The following GALNTL6 variants were observed in gnomAD, a reference collection of about 807,000 sequenced individuals.
The protein encoded by GALNTL6 is polypeptide N-acetylgalactosaminyltransferase-like 6.
In GALNTL6, 46 loss-of-function variants were observed where a neutral mutation model predicts 73.7. The ratio of observed to expected loss-of-function variants is 0.62; its 90% confidence interval spans 0.49 to 0.80. The LOEUF (loss-of-function observed/expected upper bound fraction) is 0.80. Ranked by LOEUF, GALNTL6 falls within the 30% of genes least tolerant of loss-of-function variation. The pLI, the probability that GALNTL6 is intolerant of heterozygous loss-of-function variation, is 0.00. For synonymous variants in GALNTL6, 259 were observed against 263.7 expected (o/e 0.98, Z 0.17); for missense variants, 604 against 755.0 (o/e 0.80, Z 2.34).
intron 2 of GALNTL6, among the ~76,000 whole-genome samples, chr4:171,864,753 A>G (rs149104019): frequency 3.2e-4 from 49 of 152,336 alleles, no homozygotes; most frequent in African/African-American, 1.1e-3. Flanking sequence ...TCCTCCTGCT[A>G]GAGATTGAAA....
At chr4:172,635,646 G>A (rs1169250440) in intron 5 of GALNTL6, among the ~76,000 whole-genome samples, 2 of 152,000 alleles carry the variant, frequency 1.3e-5, no homozygotes, top group African/African-American at 4.8e-5. Flanking sequence ...CTTCTCAAAT[G>A]TTGCCCTGTT....
intron 10 of GALNTL6, among the ~76,000 whole-genome samples, chr4:172,983,552 G>A (rs143403540): frequency 0.013 from 2,020 of 152,196 alleles, 41 homozygotes; most frequent in African/African-American, 0.046. Context: ...AAAAGTAGCC[G>A]GGCGTGGTGG....
At chr4:172,662,915 A>G (rs1299450443) in intron 5 of GALNTL6, among the ~76,000 whole-genome samples, 1 of 152,224 alleles carries the variant, frequency 6.6e-6, no homozygotes, top group Non-Finnish European at 1.5e-5. Context: ...TCCCTTCTCC[A>G]AGGAGCTGAT....
chr4:171,864,897 A>G (rs994934355), intron 2 of GALNTL6, among the ~76,000 whole-genome samples: 2 of 152,198 alleles, frequency 1.3e-5, no homozygotes, highest in African/African-American at 4.8e-5. Context: ...GCCATAAGAG[A>G]AAAGATGGGA....
intron 10 of GALNTL6, among the ~76,000 whole-genome samples, chr4:172,967,398 C>CT (rs2126397189): frequency 6.6e-6 from 1 of 152,220 alleles, no homozygotes; most frequent in Non-Finnish European, 1.5e-5. Flanking sequence ...CTATACCAAT[C>CT]TCTAGCACAG....
intron 5 of GALNTL6, among the ~76,000 whole-genome samples, chr4:172,712,266 A>G (rs1168777577): frequency 6.6e-6 from 1 of 152,134 alleles, no homozygotes; most frequent in African/African-American, 2.4e-5. Flanking sequence ...TATTTTCAGG[A>G]GCTTAGTAGA....
chr4:172,910,929 A>C (rs776570543), intron 8 of GALNTL6, among the ~76,000 whole-genome samples: 77 of 152,306 alleles, frequency 5.1e-4, no homozygotes, highest in Admixed American at 9.8e-4. Flanking sequence ...TTTGTAGGAG[A>C]AACTACAAAA....
At position 172,601,357 on chromosome 4, in the gene GALNTL6, C is replaced by G. The variant is rs553490300; in HGVS notation, c.554-208004C>G. Among the ~76,000 whole-genome samples, 294 of 152,134 alleles carry G rather than the reference C, an allele frequency of 1.9e-3. 1 individual carries two copies. The highest frequency in any genetic ancestry group is 3.4e-3 in the Non-Finnish European group (230 of 67,984). ...ATGTGGTAGTGTTGGGAGGTAGGGC[C>G]TAGTGGAAGGTATTTGGGTAATGGG... On this transcript the variant is annotated intron_variant, in intron 5 of 12. Coordinates refer to ENST00000506823, the MANE Select transcript of GALNTL6 (RefSeq NM_001034845.3).
At chr4:172,944,168 CT>C (rs1401278535) in intron 9 of GALNTL6, among the ~76,000 whole-genome samples, 1 of 152,086 alleles carries the variant, frequency 6.6e-6, no homozygotes, top group Non-Finnish European at 1.5e-5. Flanking sequence ...TTCAAAGGCA[CT>C]GTTAAGAGAA....
rs541138190 is a variant in GALNTL6 at position 172,959,614 on chromosome 4, A to G, written c.1371+7356A>G. Among the ~76,000 whole-genome samples the G allele has an allele frequency of 1.8e-4, 28 of 152,094 alleles. No homozygotes were observed. The East Asian group carries it at 4.6e-3, about 25-fold the overall frequency. ...TGATGGTCTAGGGGGCTTCTGAGGC[A>G]ATCAGGCAGCGTCAGTCTTCAGCCG... is the stretch of plus-strand genomic sequence containing the variant. On this transcript the variant is annotated intron_variant, in intron 10 of 12. Coordinates refer to ENST00000506823, the MANE Select transcript of GALNTL6 (RefSeq NM_001034845.3).
intron 2 of GALNTL6, among the ~76,000 whole-genome samples, chr4:171,835,346 A>G (rs1735072090): frequency 6.6e-6 from 1 of 151,926 alleles, no homozygotes; most frequent in African/African-American, 2.4e-5. Flanking sequence ...CTGTATGTCT[A>G]TGCAAATGTA....
At chr4:172,833,724 T>C (rs1174812742) in intron 7 of GALNTL6, among the ~76,000 whole-genome samples, 1 of 152,212 alleles carries the variant, frequency 6.6e-6, no homozygotes, top group African/African-American at 2.4e-5. Context: ...AAACAGCATT[T>C]CTTGATATCT....
In GALNTL6 at chr4:172,874,899, G is replaced by A. The variant is rs368576877; in HGVS notation, c.924-7891G>A. ...CACTCAAGCCTAGGACAGGACACAC[G>A]GCTCTAGGCCTAGGTCCCAGGGCAA... On this transcript the variant is annotated intron_variant, in intron 7 of 12. Transcript: ENST00000506823. Among the ~76,000 whole-genome samples, 53 of 152,278 alleles carry A rather than the reference G, an allele frequency of 3.5e-4. 1 individual carries two copies. The East Asian group carries it at 6.6e-3, about 19-fold the overall frequency.
intron 2 of GALNTL6, among the ~76,000 whole-genome samples, chr4:172,140,698 G>T (rs1733777751): frequency 6.6e-6 from 1 of 151,936 alleles, no homozygotes; most frequent in Non-Finnish European, 1.5e-5. Context: ...ATCAAGAAAA[G>T]CCTGCCTTCA....
At chr4:172,799,282 G>A (rs1013973665) in intron 5 of GALNTL6, among the ~76,000 whole-genome samples, 22 of 152,156 alleles carry the variant, frequency 1.4e-4, no homozygotes, top group Non-Finnish European at 3.1e-4. Context: ...ACTGGAAGCT[G>A]AGAAGTTTTC....
At chr4:172,831,538 G>A (rs1045966305) in intron 7 of GALNTL6, among the ~76,000 whole-genome samples, 6 of 152,180 alleles carry the variant, frequency 3.9e-5, no homozygotes, top group African/African-American at 1.4e-4. Context: ...TGGTGGAGAT[G>A]GGGAAAGAAA....
At chr4:172,150,364 A>C (rs1734045455) in intron 2 of GALNTL6, among the ~76,000 whole-genome samples, 1 of 152,216 alleles carries the variant, frequency 6.6e-6, no homozygotes, top group Non-Finnish European at 1.5e-5. Context: ...AAACCAGAGG[A>C]TGACCTATAA....
At chr4:172,079,360 G>A (rs1398613356) in intron 2 of GALNTL6, among the ~76,000 whole-genome samples, 1 of 151,860 alleles carries the variant, frequency 6.6e-6, no homozygotes, top group East Asian at 1.9e-4. Context: ...AACCAAGCCT[G>A]TATTATTGAT....
intron 2 of GALNTL6, among the ~76,000 whole-genome samples, chr4:172,124,430 C>T (rs1733240902): frequency 1.3e-5 from 2 of 152,036 alleles, no homozygotes; most frequent in Non-Finnish European, 2.9e-5. Context: ...TCAAAGATGC[C>T]AAAAGGTTCA....
Sources: gnomAD v4.1 joint callset for allele counts (sites outside exome capture counted in the v4.1 genomes callset) on GRCh38, gnomAD v4.1.1 for gene constraint, MANE v1.5 for transcripts, NCBI Gene and HGNC (gene_info 2026-07-23, HGNC 2026-07-21) for gene names.